The following PDPR variants were observed in gnomAD, a reference collection of about 807,000 sequenced individuals.
The protein encoded by PDPR is pyruvate dehydrogenase phosphatase regulatory subunit, mitochondrial.
In PDPR, 50 loss-of-function variants were observed where a neutral mutation model predicts 102.2. The ratio of observed to expected loss-of-function variants is 0.49; its 90% CI spans 0.39 to 0.62. The LOEUF is 0.62. Ranked by LOEUF, PDPR falls within the 20% of genes least tolerant of loss-of-function variation. The probability of loss-of-function intolerance (pLI) is 0.00; values close to 1 mark genes in which losing one functional copy is unlikely to be tolerated. For missense variants in PDPR, 625 were observed against 1,098.2 expected, an observed-to-expected ratio of 0.57 and a Z score of 6.09; for synonymous variants, 259 against 406.0, an observed-to-expected ratio of 0.64 and a Z score of 4.35.
rs1286508443 is a variant in PDPR, at chr16:70,136,333, T to G, written c.1137T>G (p.Phe379Leu). Residue 379 changes from phenylalanine to leucine, a missense_variant, in exon 10 of 19, where the codon TTT becomes TTG. This residue lies in a region of PDPR where 50 missense variants were observed against 79.9 expected (regional missense o/e 0.63). Coordinates refer to ENST00000288050, the MANE Select transcript of PDPR (RefSeq NM_017990.5). ...MGESPAVQGYFVLAGMNSAGL... is the reference protein window; with the variant it reads ...MGESPAVQGYLVLAGMNSAGL... ...AGTCTCCTGCAGTGCAGGGCTACTT[T>G]GTCCTGGCAGGAATGAACTCTGCTG... 1.9e-6 allele frequency: 3 copies of G among 1,613,458 alleles called. No individual in the cohort carries two copies. Among genetic ancestry groups the G allele is most frequent in the Admixed American group, 3.3e-5 (2 of 59,920 alleles).
At position 70,161,262 on chromosome 16, in the gene PDPR, CAG is replaced by C. The variant is rs1463908379; in HGVS notation, c.*4386_*4387del. On this transcript the variant is annotated 3_prime_UTR_variant, in exon 19 of 19. Transcript: ENST00000288050. ...CACCACTGCACTCCAGCCTGGGTAA[CAG>C]AGTGAGACTCTTGTCTCAAAAAAAA... 7.5e-6 allele frequency: 1 copy of C among 133,632 alleles called. No individual in the cohort carries two copies. The highest frequency in any genetic ancestry group is 8.8e-5 in the Admixed American group (1 of 11,396). The allele number at this position is 133,632 out of a possible 1,614,324, so 8.3% of individuals were successfully genotyped here.
rs910640020 is a variant in PDPR, at chr16:70,159,773, G to A, written c.*2894G>A. ...GCAGTGGCCTCTTGAGTGAACAGGG[G>A]AGGCCAGTAGATGCCCCAGATCCAG... On this transcript the variant is annotated 3_prime_UTR_variant, in exon 19 of 19. Transcript: ENST00000288050. 1 of 152,782 alleles carries A rather than the reference G, an allele frequency of 6.5e-6. No homozygotes were observed. Among genetic ancestry groups the A allele is most frequent in the East Asian group, 1.9e-4 (1 of 5,224 alleles). The allele number at this position is 152,782 out of a possible 1,614,324, so 9.5% of individuals were successfully genotyped here.
rs550280026 is a variant in PDPR at position 70,135,641 on chromosome 16, G to T, written c.998-553G>T. 5.9e-5 allele frequency among the ~76,000 whole-genome samples: 9 copies of T among 152,376 alleles called. No individual in the cohort carries two copies. In the South Asian group the frequency reaches 1.9e-3, roughly 32 times the overall value. The stretch of plus-strand genomic sequence containing the variant: ...TATCTGTAGATACGTTTTACTTGCT[G>T]TTCTCTGCTGCTTTCCTTTCTAACC... On this transcript the variant is annotated intron_variant, in intron 9 of 18. Coordinates refer to ENST00000288050, the MANE Select transcript of PDPR (RefSeq NM_017990.5).
chr16:70,119,338 C>A (rs1281121057), intron 2 of PDPR, among the ~76,000 whole-genome samples: 1 of 152,020 alleles, frequency 6.6e-6, no homozygotes, highest in Non-Finnish European at 1.5e-5. Context: ...CCCCCAACCC[C>A]CCACCGCCAA....
intron 10 of PDPR, among the ~76,000 whole-genome samples, chr16:70,137,312 C>T (rs1309332042): frequency 2.6e-5 from 4 of 152,180 alleles, no homozygotes; most frequent in South Asian, 2.1e-4. Context: ...GCCGAGATTG[C>T]GCCACTGCAC....
chr16:70,156,581 TTTGGCC>T lies in PDPR; in HGVS notation c.2347_2352del (p.Pro783_Trp784del), dbSNP rs1967230262. 6.2e-7 allele frequency: 1 copy of T among 1,613,954 alleles called. No homozygotes were observed. The highest frequency in any genetic ancestry group is 1.7e-5 in the Admixed American group (1 of 60,004). On this transcript the variant is annotated inframe_deletion, in exon 19 of 19. Transcript: ENST00000288050. ...GACGACCATGATTCAGACCTAGACC[TTTGGCC>T]TTGGTGGGGAGAGCCCATTTACCGG...
chr16:70,156,118 G>C (rs1429204128), intron 18 of PDPR, among the ~76,000 whole-genome samples: 3 of 152,272 alleles, frequency 2.0e-5, no homozygotes, highest in African/African-American at 7.2e-5. Flanking sequence ...GAGCCACCAC[G>C]ACTGGCCAAT....
chr16:70,122,868 C>CACACACACACACACACACACAG (rs1555520799), intron 3 of PDPR, among the ~76,000 whole-genome samples: 1 of 149,722 alleles, frequency 6.7e-6, no homozygotes, highest in Non-Finnish European at 1.5e-5. Context: ...CACACACACA[C>CACACACACACACACACACACAG]CAGTTTAGAC....
At chr16:70,122,022 T>A (rs535006635) in intron 3 of PDPR, among the ~76,000 whole-genome samples, 7 of 152,344 alleles carry the variant, frequency 4.6e-5, no homozygotes, top group Admixed American at 2.6e-4. Flanking sequence ...AGTCTGGCTC[T>A]GTCACCCAGG....
rs1178488035 is a variant in PDPR at position 70,143,336 on chromosome 16, GAATC to G, written c.1606-170_1606-167del. On this transcript the variant is annotated intron_variant, in intron 13 of 18. Transcript: ENST00000288050. ...TGCTAGAGAGGCCTGTTTATCATAA[GAATC>G]AATAGCTAGCGTTCCCTGGAGCTTC... Among the ~76,000 whole-genome samples the G allele has an allele frequency of 5.2e-5, 8 of 152,408 alleles. No individual in the cohort carries two copies. In the East Asian group the frequency reaches 1.2e-3, roughly 22 times the overall value.
intron 17 of PDPR, among the ~76,000 whole-genome samples, chr16:70,149,247 T>G (rs1264979777): frequency 1.5e-5 from 1 of 64,762 alleles, no homozygotes; most frequent in Non-Finnish European, 5.2e-5. Flanking sequence ...CTTCATCCTG[T>G]TTTTTTTTTT....
intron 18 of PDPR, among the ~76,000 whole-genome samples, chr16:70,154,965 G>A (rs1322773703): frequency 6.6e-6 from 1 of 152,152 alleles, no homozygotes; most frequent in African/African-American, 2.4e-5. Flanking sequence ...TTTGTTTTGG[G>A]CGGATCACCT....
intron 17 of PDPR, among the ~76,000 whole-genome samples, chr16:70,151,400 C>T (rs532529223): frequency 6.6e-6 from 1 of 152,288 alleles, no homozygotes; most frequent in African/African-American, 2.4e-5. Flanking sequence ...CTGTGCCCAA[C>T]CCTTTTTAAA....
At chr16:70,156,397 G>A (rs1213368635) in intron 18 of PDPR, 78 bp from the exon 19 acceptor site, 115 of 1,539,474 alleles carry the variant, frequency 7.5e-5, no homozygotes, top group Middle Eastern at 3.6e-4. Flanking sequence ...GACACCAGGG[G>A]ACCCTTCCCA....
At chr16:70,128,615 C>T (rs1156823609) in intron 4 of PDPR, among the ~76,000 whole-genome samples, 169 bp from the exon 5 acceptor site, 2 of 152,280 alleles carry the variant, frequency 1.3e-5, no homozygotes, top group African/African-American at 4.8e-5. Context: ...ATCTGAAGTT[C>T]TTAAAATTTT....
At chr16:70,133,783 A>G (rs55907965) in intron 9 of PDPR, among the ~76,000 whole-genome samples, 3 of 149,534 alleles carry the variant, frequency 2.0e-5, no homozygotes, top group Non-Finnish European at 3.0e-5. Flanking sequence ...GCCCAGGCTC[A>G]AGTGCAATGG....
In PDPR at chr16:70,153,429, C is replaced by G; in HGVS notation, c.2091C>G (p.Gly697=). ...TATACAATGAAGTGATGAGTGTTGGCCAGAAATACGGAATCCGGAATGCTG... is the reference window on the plus strand; with the variant it reads ...TATACAATGAAGTGATGAGTGTTGGGCAGAAATACGGAATCCGGAATGCTG... ...LHVYNEVMSV[G]QKYGIRNAGY... Residue 697 remains glycine (G), a synonymous_variant, in exon 18 of 19, where the codon GGC becomes GGG. Transcript: ENST00000288050. 3.7e-6 allele frequency: 6 copies of G among 1,613,864 alleles called. No individual in the cohort carries two copies. The highest frequency in any genetic ancestry group is 5.1e-6 in the Non-Finnish European group (6 of 1,179,836).
Position 70,157,051 on chromosome 16 carries a change from C to T in PDPR, c.*172C>T. On this transcript the variant is annotated 3_prime_UTR_variant, in exon 19 of 19. Transcript: ENST00000288050. ...TACTTTAAACTTTTTTGCTCTGCAG[C>T]CTTCCTTGCCCTTCCACCTCCTCCT... 1.1e-6 allele frequency: 1 copy of T among 886,626 alleles called. No individual in the cohort carries two copies. The highest frequency in any genetic ancestry group is 1.8e-6 in the Non-Finnish European group (1 of 555,036). 54.9% of individuals were successfully genotyped at this position (886,626 alleles called of 1,614,324 possible). A position where few individuals can be genotyped will look rare whatever the true frequency, so the allele number is the denominator to read the frequency against.
At chr16:70,140,040 A>C (rs1256020144) in intron 11 of PDPR, among the ~76,000 whole-genome samples, 2 of 152,260 alleles carry the variant, frequency 1.3e-5, no homozygotes, top group Non-Finnish European at 2.9e-5. Flanking sequence ...TATTTTGGTT[A>C]AAATGTTGAA....
Sources: gnomAD v4.1 joint callset for allele counts (sites outside exome capture counted in the v4.1 genomes callset) on GRCh38, gnomAD v4.1.1 for gene constraint, gnomAD v4.1.1 regional missense constraint, MANE v1.5 for transcripts, NCBI Gene and HGNC (gene_info 2026-07-23, HGNC 2026-07-21) for gene names.